The following CPLANE1 variants were observed in gnomAD, a reference collection of about 807,000 sequenced individuals.
The protein encoded by CPLANE1 is ciliogenesis and planar polarity effector complex subunit 1.
A neutral mutation model predicts 362.5 loss-of-function variants in CPLANE1; 263 were observed. The observed-to-expected ratio is 0.73, with a 90% CI of 0.66 to 0.80. The LOEUF (loss-of-function observed/expected upper bound fraction) is 0.80. CPLANE1 is among the 30% of genes least tolerant of loss of function. The pLI, the probability that CPLANE1 is intolerant of heterozygous loss-of-function variation, is 0.00. For missense variants in CPLANE1, 3,461 were observed against 3,793.4 expected (o/e 0.91, Z 2.30); for synonymous variants, 1,212 against 1,302.6 (o/e 0.93, Z 1.50).
At chr5:37,199,255 G>A (rs1048152784) in intron 19 of CPLANE1, among the ~76,000 whole-genome samples, 4 of 152,032 alleles carry the variant, frequency 2.6e-5, no homozygotes, top group African/African-American at 4.8e-5. Context: ...TCCCCTCAAC[G>A]TAAAGGGATA....
intron 43 of CPLANE1, among the ~76,000 whole-genome samples, chr5:37,147,971 C>CAAAAAAAAAAAAAAAAAAAAAAAA (rs11284644): frequency 1.3e-4 from 2 of 15,312 alleles, no homozygotes; most frequent in Non-Finnish European, 3.7e-4. Context: ...ACTGCCTTCT[C>CAAAAAAAAAAAAAAAAAAAAAAAA]AAAAAAAAAA....
At chr5:37,240,756 CAA>C (rs1800218344) in intron 6 of CPLANE1, among the ~76,000 whole-genome samples, 2 of 152,218 alleles carry the variant, frequency 1.3e-5, no homozygotes, top group Admixed American at 1.3e-4. Context: ...AGTCTGTGCA[CAA>C]AAGAGAACCT....
At chr5:37,091,913 G>A in the CPLANE1 span, among the ~76,000 whole-genome samples, 153 of 152,284 alleles carry the variant, frequency 1.0e-3, 3 homozygotes, top group Middle Eastern at 3.4e-3. Context: ...AGCCCCGGAC[G>A]TCACCTGGGG....
intron 8 of CPLANE1, among the ~76,000 whole-genome samples, chr5:37,237,596 G>A (rs990070019): frequency 2.6e-5 from 4 of 152,086 alleles, no homozygotes; most frequent in African/African-American, 4.8e-5. Flanking sequence ...CCTGTAATCC[G>A]AGCACTTTGG....
the CPLANE1 span, chr5:37,085,256 GTTCA>G: frequency 1.2e-6 from 1 of 853,580 alleles, no homozygotes; most frequent in Non-Finnish European, 2.0e-6. Flanking sequence ...GCATGCAGGG[GTTCA>G]TTAAGGTTGA....
At chr5:37,119,267 T>A (rs182853860) in intron 50 of CPLANE1, among the ~76,000 whole-genome samples, 11 of 152,322 alleles carry the variant, frequency 7.2e-5, no homozygotes, top group Non-Finnish European at 1.3e-4. Context: ...CTGCAATCTA[T>A]CAGAACTTGA....
rs559787397 is a variant in CPLANE1, at chr5:37,180,956, C to T, written c.5471G>A (p.Arg1824Lys). The change falls in exon 27 of 53, where the codon AGG (arginine) becomes AAG (lysine). Residue 1824 changes from arginine to lysine, a missense_variant. By Grantham distance (26) the Arg-to-Lys change is conservative (BLOSUM62 2). This residue lies in a region of CPLANE1 where 3,380 missense variants were observed against 3,666.1 expected (regional missense o/e 0.92). Transcript: ENST00000651892. ...ACCGCCAGCATCTGATTTGCTCTCC[C>T]TCTCAATATTGGGTCCAATCTGACA... ...TGCQIGPNIE[R>K]ESKSDAGGSV... 1.2e-6 allele frequency: 2 copies of T among 1,614,030 alleles called. No homozygotes were observed. Among genetic ancestry groups the T allele is most frequent in the African/African-American group, 1.3e-5 (1 of 75,044 alleles).
rs921269544 is a variant in CPLANE1 at position 37,209,087 on chromosome 5, C to G, written c.2921-2662G>C. ...CCTTCTGTCCCTAGTCTCCGGGTCC[C>G]CGCCCTCCAGCCGCCTTTGATTCGT... On this transcript the variant is annotated intron_variant, in intron 16 of 52. Transcript: ENST00000651892. This position sits in a 1 kb window ranked among gnomAD's most constrained non-coding sequence, Gnocchi z 4.6. Among the ~76,000 whole-genome samples, 1 of 152,264 alleles carries G rather than the reference C, an allele frequency of 6.6e-6. No homozygotes were observed. Among genetic ancestry groups the G allele is most frequent in the African/African-American group, 2.4e-5 (1 of 41,468 alleles).
chr5:37,239,064 T>C, intron 7 of CPLANE1, 104 bp from the exon 8 acceptor site: 1 of 518,474 alleles, frequency 1.9e-6, no homozygotes. Flanking sequence ...TAATAAACTA[T>C]CTAGGGAGTA....
chr5:37,185,037 A>G lies in CPLANE1; in HGVS notation c.4232T>C (p.Ile1411Thr). The G allele has an allele frequency of 6.2e-7, 1 of 1,613,944 alleles. No individual in the cohort carries two copies. The change falls in exon 25 of 53, where the codon ATC becomes ACC. Residue 1411 changes from isoleucine to threonine, a missense_variant. By Grantham distance (89) the Ile-to-Thr change is moderately conservative (BLOSUM62 -1). Around this residue, in one of 2 missense-constraint regions of CPLANE1, gnomAD observed 3,380 missense variants for 3,666.1 expected, o/e 0.92. Transcript: ENST00000651892. ...TAGAGCTTTCACCCTCACTTTCTGGATAGAATGCATGACAACAGACATCAT... is the reference window on the plus strand; with the variant it reads ...TAGAGCTTTCACCCTCACTTTCTGGGTAGAATGCATGACAACAGACATCAT... ...EEMMSVVMHS[I>T]QKVRVKALKR...
chr5:37,113,394 G>C (rs1430932984), intron 51 of CPLANE1, among the ~76,000 whole-genome samples: 1 of 152,172 alleles, frequency 6.6e-6, no homozygotes, highest in South Asian at 2.1e-4. Flanking sequence ...TACCATGATT[G>C]TGAGGCCTCC....
In CPLANE1 at chr5:37,142,306, A is replaced by G; in HGVS notation, c.8632+4T>C. The G allele has an allele frequency of 1.3e-6, 2 of 1,555,142 alleles. No homozygotes were observed. The highest frequency in any genetic ancestry group is 1.7e-6 in the Non-Finnish European group (2 of 1,156,758). The stretch of plus-strand genomic sequence containing the variant: ...TGTGTAAATGAAAAAGTAAAGAACA[A>G]TACCAGGAGAAGTAGTATTCTGATC... On this transcript the variant is annotated splice_donor_region_variant and intron_variant, in intron 44 of 52. Transcript: ENST00000651892.
intron 27 of CPLANE1, among the ~76,000 whole-genome samples, 193 bp downstream of exon 27, chr5:37,180,664 T>A (rs539613015): frequency 1.3e-5 from 2 of 152,312 alleles, no homozygotes; most frequent in South Asian, 4.1e-4. Flanking sequence ...TCAGAAGATA[T>A]AAGCTAGACC....
rs1220722758 is a variant in CPLANE1 at position 37,201,676 on chromosome 5, C to T, written c.3422G>A (p.Ser1141Asn). Residue 1141 changes from serine (S) to asparagine (N), a missense_variant, in exon 19 of 53, where the codon AGT becomes AAT. Physicochemically the swap from Ser to Asn is conservative, Grantham distance 46 (BLOSUM62 1). Transcript: ENST00000651892. ...QLLIDSAKDF[S>N]KRLWGLVPFG... ...TGGCACTAAGCCCCACAGTCTTTTA[C>T]TGAAGTCCTTGGCAGAGTCTATCAG... is the stretch of plus-strand genomic sequence containing the variant. The T allele has an allele frequency of 6.2e-6, 10 of 1,614,196 alleles. No homozygotes were observed. Among genetic ancestry groups the T allele is most frequent in the Non-Finnish European group, 8.5e-6 (10 of 1,180,016 alleles).
At chr5:37,164,439 C>A (rs1777711011) in intron 36 of CPLANE1, 112 bp from the exon 37 acceptor site, 3 of 716,866 alleles carry the variant, frequency 4.2e-6, no homozygotes, top group Non-Finnish European at 7.2e-6. Flanking sequence ...CTTCAACTTC[C>A]ATCATTCTAG....
chr5:37,142,520 G>C, intron 43 of CPLANE1, 40 bp from the exon 44 acceptor site: 1 of 1,281,966 alleles, frequency 7.8e-7, no homozygotes, highest in Admixed American at 2.8e-5. Context: ...TAAAATAGTA[G>C]AGGAAAAAAG....
chr5:37,205,168 A>C (rs926991070), intron 18 of CPLANE1, 147 bp downstream of exon 18: 2 of 563,032 alleles, frequency 3.6e-6, no homozygotes, highest in African/African-American at 3.9e-5. Context: ...AAAAATAATA[A>C]AATAAAATAA....
At chr5:37,196,443 A>AT (rs1787469459) in intron 20 of CPLANE1, among the ~76,000 whole-genome samples, 1 of 152,208 alleles carries the variant, frequency 6.6e-6, no homozygotes, top group African/African-American at 2.4e-5. Flanking sequence ...GGCAGCCCCT[A>AT]ATAATGACTC....
intron 43 of CPLANE1, among the ~76,000 whole-genome samples, chr5:37,147,083 G>A (rs1771879282): frequency 6.6e-6 from 1 of 152,108 alleles, no homozygotes; most frequent in Non-Finnish European, 1.5e-5. Flanking sequence ...AACCTTCTAA[G>A]AAATGAACGG....
Sources: allele counts gnomAD v4.1 joint callset (sites outside exome capture counted in the v4.1 genomes callset), GRCh38; gene constraint gnomAD v4.1.1; regional missense constraint gnomAD v4.1.1; non-coding constraint Gnocchi (gnomAD v3.1); transcripts MANE v1.5; gene names NCBI Gene and HGNC (gene_info 2026-07-23, HGNC 2026-07-21).